Variants in CCDC14 observed in about 807,000 individuals in gnomAD.
CCDC14 encodes coiled-coil domain containing 14.
CCDC14 carries 71 observed loss-of-function variants against 81.4 expected under a neutral mutation model. The ratio of observed to expected loss-of-function variants is 0.87; its 90% CI spans 0.72 to 1.06. The LOEUF (loss-of-function observed/expected upper bound fraction) is 1.06, where lower values mean the gene tolerates loss of function less well. CCDC14 is among the 50% of genes least tolerant of loss of function. The probability of loss-of-function intolerance (pLI) is 0.00; values close to 1 mark genes in which losing one functional copy is unlikely to be tolerated. For synonymous variants in CCDC14, 332 were observed against 364.8 expected (o/e 0.91, Z 1.03); for missense variants, 1,046 against 1,047.3 (o/e 1.00, Z 0.02).
chr3:123,924,007 G>GAAAA (rs2035212132), intron 12 of CCDC14, among the ~76,000 whole-genome samples: 1 of 139,814 alleles, frequency 7.2e-6, no homozygotes, highest in Non-Finnish European at 1.6e-5. Flanking sequence ...AATATCTTAA[G>GAAAA]TAAAAAGAAC....
intron 2 of CCDC14, 49 bp downstream of exon 2, chr3:123,956,691 C>T: frequency 1.4e-6 from 2 of 1,447,644 alleles, no homozygotes; most frequent in East Asian, 5.0e-5. Flanking sequence ...GCCCAAAGAC[C>T]TGAAAAATTC....
At chr3:123,887,714 A>G in the CCDC14 span, among the ~76,000 whole-genome samples, 1 of 152,226 alleles carries the variant, frequency 6.6e-6, no homozygotes, top group Non-Finnish European at 1.5e-5. Flanking sequence ...CTAGTTTGAA[A>G]GTAAACAGTG....
At chr3:123,898,712 G>A (rs2034120360) in intron 5 of CCDC14, among the ~76,000 whole-genome samples, 1 of 152,170 alleles carries the variant, frequency 6.6e-6, no homozygotes, top group Non-Finnish European at 1.5e-5. Context: ...CTTTGAGACA[G>A]GGTCTTGCTC....
chr3:123,908,566 T>C (rs2034374113), downstream of CCDC14, among the ~76,000 whole-genome samples: 1 of 152,200 alleles, frequency 6.6e-6, no homozygotes, highest in Non-Finnish European at 1.5e-5. Context: ...TATTAATCAA[T>C]AATATACCAT....
intron 5 of CCDC14, among the ~76,000 whole-genome samples, chr3:123,902,493 G>T (rs2034197629): frequency 6.6e-6 from 1 of 152,156 alleles, no homozygotes; most frequent in African/African-American, 2.4e-5. Flanking sequence ...CAAGCTTTTA[G>T]ATTCCATTAA....
intron 5 of CCDC14, among the ~76,000 whole-genome samples, chr3:123,900,099 G>T (rs1436691427): frequency 6.6e-6 from 1 of 152,166 alleles, no homozygotes; most frequent in Non-Finnish European, 1.5e-5. Flanking sequence ...GCAATAAATG[G>T]AGAGCTTGAC....
chr3:123,886,740 A>G, the CCDC14 span, among the ~76,000 whole-genome samples: 1 of 152,194 alleles, frequency 6.6e-6, no homozygotes, highest in Admixed American at 6.5e-5. Context: ...TAACAATATG[A>G]GCACTAGGAG....
At chr3:123,890,553 C>A in the CCDC14 span, among the ~76,000 whole-genome samples, 1 of 152,178 alleles carries the variant, frequency 6.6e-6, no homozygotes, top group African/African-American at 2.4e-5. Flanking sequence ...GTCCGAAATC[C>A]AGCAGGGCAG....
intron 9 of CCDC14, among the ~76,000 whole-genome samples, chr3:123,943,641 CTCTG>C (rs757646801): frequency 1.4e-4 from 21 of 152,150 alleles, no homozygotes; most frequent in Non-Finnish European, 1.0e-4. Flanking sequence ...GGTTTCCCCA[CTCTG>C]TCTATTAGAT....
chr3:123,939,390 G>A (rs1455943301), intron 9 of CCDC14, among the ~76,000 whole-genome samples: 1 of 144,410 alleles, frequency 6.9e-6, no homozygotes, highest in Non-Finnish European at 1.5e-5. Context: ...GGTGTTGATT[G>A]TTTTGCATGG....
chr3:123,933,529 T>C, intron 10 of CCDC14, 144 bp downstream of exon 10: 1 of 616,950 alleles, frequency 1.6e-6, no homozygotes. Context: ...TGTATATTAT[T>C]GGGAAGTGAC....
At chr3:123,960,304 T>C (rs1319116358) in intron 1 of CCDC14, among the ~76,000 whole-genome samples, 1 of 152,238 alleles carries the variant, frequency 6.6e-6, no homozygotes, top group Non-Finnish European at 1.5e-5. Context: ...ACTTAATCCA[T>C]ACCCTGTGAG....
intron 1 of CCDC14, among the ~76,000 whole-genome samples, chr3:123,960,560 T>A (rs922004766): frequency 7.2e-5 from 11 of 152,224 alleles, no homozygotes; most frequent in Admixed American, 2.0e-4. Flanking sequence ...TGAGTTATTC[T>A]ATGTAATACA....
At chr3:123,922,563 A>C (rs2035115435) in intron 12 of CCDC14, among the ~76,000 whole-genome samples, 1 of 152,204 alleles carries the variant, frequency 6.6e-6, no homozygotes, top group Non-Finnish European at 1.5e-5. Flanking sequence ...AAGAATCATA[A>C]GAAGTTACTA....
In CCDC14 at chr3:123,924,310, T is replaced by C. The variant is rs182089861; in HGVS notation, c.1778+6792A>G. ...ACTAAAAATGGATTAAAGATTTAAA[T>C]ACAAGACCTGAAACTGTAAAACTAC... On this transcript the variant is annotated intron_variant, in intron 12 of 12. Coordinates refer to ENST00000409697, the MANE Select transcript of CCDC14 (RefSeq NM_001366335.1). Among the ~76,000 whole-genome samples the C allele has an allele frequency of 2.1e-3, 324 of 152,134 alleles. 5 individuals are homozygous for C. The highest frequency in any genetic ancestry group is 5.6e-4 in the Non-Finnish European group (38 of 67,952).
intron 12 of CCDC14, among the ~76,000 whole-genome samples, chr3:123,927,424 A>T (rs1262324338): frequency 6.6e-6 from 1 of 152,114 alleles, no homozygotes; most frequent in Non-Finnish European, 1.5e-5. Context: ...CTCAAAACAA[A>T]AAAAAGTATA....
chr3:123,956,075 A>G lies in CCDC14; in HGVS notation c.200T>C (p.Leu67Pro), dbSNP rs767118399. The part of the protein sequence containing the change: ...VHGLDGCASL[L>P]RDILRNEDSG... The stretch of plus-strand genomic sequence containing the variant: ...ATCTTCATTTCTCAAAATGTCCCTC[A>G]GCAAAGAAGCACAACCATCAAGCCC... The change falls in exon 4 of 13, where the codon CTG becomes CCG. Residue 67 changes from leucine to proline, a missense_variant. Transcript: ENST00000409697. 32 of 1,546,790 alleles carry G rather than the reference A, an allele frequency of 2.1e-5. No individual in the cohort carries two copies. The highest frequency in any genetic ancestry group is 1.1e-4 in the South Asian group (9 of 82,072).
chr3:123,931,589 T>A, intron 10 of CCDC14, 63 bp from the exon 11 acceptor site: 5 of 712,252 alleles, frequency 7.0e-6, no homozygotes, highest in South Asian at 2.8e-5. Context: ...ACTTGGAAAA[T>A]ACCTGTTTCT....
At chr3:123,953,615 C>T (rs2037160113) in intron 5 of CCDC14, 2 of 152,172 alleles carry the variant, frequency 1.3e-5, no homozygotes, top group Admixed American at 1.3e-4. Context: ...TGATATACAT[C>T]AGTAGGGCTT....
Sources: gnomAD v4.1 joint callset for allele counts (sites outside exome capture counted in the v4.1 genomes callset) on GRCh38, gnomAD v4.1.1 for gene constraint, MANE v1.5 for transcripts, NCBI Gene and HGNC (gene_info 2026-07-23, HGNC 2026-07-21) for gene names.